Variants in HDAC9 observed in about 807,000 individuals in gnomAD.
HDAC9 encodes histone deacetylase 9.
Under a neutral mutation model 139.4 loss-of-function variants are expected in HDAC9, and 41 were observed. The observed-to-expected ratio is 0.29, with a 90% CI of 0.23 to 0.38. The LOEUF (loss-of-function observed/expected upper bound fraction) is 0.38, where lower values mean the gene tolerates loss of function less well. HDAC9 is among the 10% of genes least tolerant of loss of function. The probability of loss-of-function intolerance (pLI) is 1.00; values close to 1 mark genes in which losing one functional copy is unlikely to be tolerated. For missense variants in HDAC9, 1,147 were observed against 1,297.0 expected (o/e 0.88, Z 1.78); for synonymous variants, 517 against 476.2 (o/e 1.09, Z -1.12).
At chr7:18,312,494 A>AACTGCCACAAGAACTACT (rs1799384017) in intron 1 of HDAC9, among the ~76,000 whole-genome samples, 1 of 152,154 alleles carries the variant, frequency 6.6e-6, no homozygotes, top group South Asian at 2.1e-4. Flanking sequence ...GCTACATAGT[A>AACTGCCACAAGAACTACT]GTTCATTGTG....
intron 2 of HDAC9, among the ~76,000 whole-genome samples, chr7:18,282,244 A>G (rs1584990229): frequency 2.0e-5 from 3 of 152,350 alleles, no homozygotes; most frequent in South Asian, 2.1e-4. Context: ...GGCCCTATAT[A>G]TAATAAACCT....
At chr7:18,765,491 G>A (rs931701554) in intron 15 of HDAC9, among the ~76,000 whole-genome samples, 6 of 151,964 alleles carry the variant, frequency 3.9e-5, no homozygotes, top group Non-Finnish European at 7.4e-5. Flanking sequence ...ATGGTGATGC[G>A]CACCTGTAGT....
chr7:18,295,367 C>T (rs1309742064), intron 1 of HDAC9, among the ~76,000 whole-genome samples: 1 of 151,978 alleles, frequency 6.6e-6, no homozygotes, highest in African/African-American at 2.4e-5. Flanking sequence ...CAAAAAATAC[C>T]ATGGAATTGG....
intron 1 of HDAC9, among the ~76,000 whole-genome samples, chr7:18,427,733 G>T (rs1790256255): frequency 6.7e-6 from 1 of 148,692 alleles, no homozygotes. Context: ...CTTTTATTGT[G>T]GCAAGAACAC....
chr7:18,372,012 T>G (rs1784630408), intron 1 of HDAC9, among the ~76,000 whole-genome samples: 1 of 152,190 alleles, frequency 6.6e-6, no homozygotes, highest in Admixed American at 6.5e-5. Flanking sequence ...AATAGTAACC[T>G]GCAATGACAT....
At chr7:18,451,282 A>C (rs1486198206) in intron 1 of HDAC9, among the ~76,000 whole-genome samples, 3 of 151,944 alleles carry the variant, frequency 2.0e-5, no homozygotes, top group African/African-American at 4.8e-5. Context: ...GAACTGTGAG[A>C]AGTAAGTTTC....
chr7:18,598,386 A>T (rs73685122), intron 6 of HDAC9, among the ~76,000 whole-genome samples: 4,052 of 152,240 alleles, frequency 0.027, 130 homozygotes, highest in African/African-American at 0.073. Flanking sequence ...TCTTTTAATG[A>T]ATCTTATACT....
intron 5 of HDAC9, among the ~76,000 whole-genome samples, chr7:18,593,146 C>A (rs570476853): frequency 6.6e-6 from 1 of 151,922 alleles, no homozygotes; most frequent in Non-Finnish European, 1.5e-5. Context: ...CCAATAAAGT[C>A]TTAAGAATAT....
intron 1 of HDAC9, among the ~76,000 whole-genome samples, chr7:18,089,885 T>G (rs1263832460): frequency 6.6e-6 from 1 of 152,002 alleles, no homozygotes; most frequent in Non-Finnish European, 1.5e-5. Context: ...TGTTATTACA[T>G]CCAAATGTGG....
intron 1 of HDAC9, among the ~76,000 whole-genome samples, chr7:18,336,232 ATGT>A (rs1232763022): frequency 6.6e-6 from 1 of 151,544 alleles, no homozygotes; most frequent in Admixed American, 6.6e-5. Context: ...GTTATTGTTA[ATGT>A]TGTTGTTATT....
At chr7:18,454,740 A>T (rs1175614456) in intron 1 of HDAC9, among the ~76,000 whole-genome samples, 1 of 152,084 alleles carries the variant, frequency 6.6e-6, no homozygotes, top group East Asian at 1.9e-4. Flanking sequence ...TTCAGCATTT[A>T]TCCTAAAAAA....
chr7:18,999,096 G>A lies in HDAC9; in HGVS notation c.*3034G>A, dbSNP rs1348021404. 6.6e-6 allele frequency: 1 copy of A among 152,154 alleles called. No individual in the cohort carries two copies. The highest frequency in any genetic ancestry group is 6.5e-5 in the Admixed American group (1 of 15,276). The allele number at this position is 152,154 out of a possible 1,614,324, so 9.4% of individuals were successfully genotyped here. A position where few individuals can be genotyped will look rare whatever the true frequency, so the allele number is the denominator to read the frequency against. On this transcript the variant is annotated 3_prime_UTR_variant, in exon 26 of 26. Transcript: ENST00000686413. The stretch of plus-strand genomic sequence containing the variant: ...ACAAGTTTATAACATCAATAGTGGA[G>A]ACAGAAGTCAGCTTTGGAGAAAATA...
At chr7:18,452,319 G>A (rs1792948195) in intron 1 of HDAC9, among the ~76,000 whole-genome samples, 2 of 152,102 alleles carry the variant, frequency 1.3e-5, no homozygotes, top group Admixed American at 1.3e-4. Flanking sequence ...TCCAGGATAC[G>A]TCAGTAAGAA....
intron 2 of HDAC9, among the ~76,000 whole-genome samples, chr7:18,273,813 A>G (rs1796543009): frequency 6.6e-6 from 1 of 152,234 alleles, no homozygotes. Context: ...TAATCCTAAA[A>G]TGAAACCCAA....
intron 19 of HDAC9, 92 bp from the exon 20 acceptor site, chr7:18,835,375 G>A (rs2129210700): frequency 6.1e-6 from 8 of 1,314,120 alleles, no homozygotes; most frequent in South Asian, 4.8e-5. Flanking sequence ...GAAAGAAAGT[G>A]GTAGAAAGAC....
intron 1 of HDAC9, among the ~76,000 whole-genome samples, chr7:18,409,618 C>T (rs959464088): frequency 7.9e-5 from 12 of 152,116 alleles, no homozygotes; most frequent in African/African-American, 2.7e-4. Context: ...TTCAAAAGAC[C>T]GTGTTTGCTT....
At chr7:18,732,624 C>G (rs1352957409) in intron 13 of HDAC9, among the ~76,000 whole-genome samples, 1 of 143,150 alleles carries the variant, frequency 7.0e-6, no homozygotes, top group East Asian at 2.3e-4. Context: ...TATATACACA[C>G]ACGTGTATAT....
chr7:18,162,325 A>G (rs1259123349), exon 2 of HDAC9: 7 of 1,535,202 alleles, frequency 4.6e-6, no homozygotes, highest in East Asian at 2.4e-5. Context: ...TCTGATTCTC[A>G]TGATGAGCTC....
chr7:18,427,713 T>TAA (rs1272735541), intron 1 of HDAC9, among the ~76,000 whole-genome samples: 4 of 150,958 alleles, frequency 2.6e-5, no homozygotes, highest in African/African-American at 9.7e-5. Flanking sequence ...TTTTTTTTTT[T>TAA]AAATATTTTC....
Sources: gnomAD v4.1 joint callset for allele counts (sites outside exome capture counted in the v4.1 genomes callset) on GRCh38, gnomAD v4.1.1 for gene constraint, MANE v1.5 for transcripts, NCBI Gene and HGNC (gene_info 2026-07-23, HGNC 2026-07-21) for gene names.